Variants in GRID1 observed in about 807,000 individuals in gnomAD.
GRID1 encodes glutamate ionotropic receptor delta type subunit 1.
In GRID1, 28 loss-of-function variants were observed where a neutral mutation model predicts 98.0. The ratio of observed to expected loss-of-function variants is 0.29; its 90% CI spans 0.21 to 0.39. The LOEUF (loss-of-function observed/expected upper bound fraction) is 0.39, where lower values mean the gene tolerates loss of function less well. Ranked by LOEUF, GRID1 falls within the 10% of genes least tolerant of loss-of-function variation. The probability of loss-of-function intolerance (pLI) is 1.00; values close to 1 mark genes in which losing one functional copy is unlikely to be tolerated. For missense variants in GRID1, 1,111 were observed against 1,340.5 expected, an observed-to-expected ratio of 0.83 and a Z score of 2.67; for synonymous variants, 553 against 538.5, an observed-to-expected ratio of 1.03 and a Z score of -0.37.
chr10:86,012,476 A>G (rs990891100), intron 4 of GRID1, among the ~76,000 whole-genome samples: 1 of 152,212 alleles, frequency 6.6e-6, no homozygotes, highest in Non-Finnish European at 1.5e-5. Context: ...TTTACAAGGC[A>G]GGAAGACCTC....
chr10:85,643,503 GC>G (rs1431115562), intron 13 of GRID1, among the ~76,000 whole-genome samples: 2 of 152,166 alleles, frequency 1.3e-5, no homozygotes, highest in Non-Finnish European at 2.9e-5. Context: ...GAGCAGAGGG[GC>G]CGCTCCATAG....
chr10:85,852,171 C>T (rs1843064785), intron 8 of GRID1, among the ~76,000 whole-genome samples: 1 of 152,198 alleles, frequency 6.6e-6, no homozygotes, highest in African/African-American at 2.4e-5. Flanking sequence ...AGCTGCTAGG[C>T]AGACAGATAA....
intron 4 of GRID1, among the ~76,000 whole-genome samples, chr10:86,015,065 C>T (rs1255146232): frequency 6.6e-6 from 1 of 152,202 alleles, no homozygotes; most frequent in Admixed American, 6.5e-5. Flanking sequence ...CAACATGTTA[C>T]AGCTCCTTTT....
chr10:85,711,497 A>T (rs144984242), intron 12 of GRID1, among the ~76,000 whole-genome samples: 5 of 152,070 alleles, frequency 3.3e-5, no homozygotes, highest in African/African-American at 1.2e-4. Context: ...TAGTTCTTTC[A>T]TAGGTACAGA....
At chr10:86,041,083 C>T (rs12253319) in intron 4 of GRID1, among the ~76,000 whole-genome samples, 11,600 of 152,246 alleles carry the variant, frequency 0.076, 510 homozygotes, top group East Asian at 0.15. Context: ...CTCACACTTG[C>T]TTACATGTGT....
At chr10:86,027,604 AG>A (rs1331709976) in intron 4 of GRID1, among the ~76,000 whole-genome samples, 4 of 152,156 alleles carry the variant, frequency 2.6e-5, no homozygotes, top group African/African-American at 4.8e-5. Flanking sequence ...CCAGTTTTTC[AG>A]GTGTTATATT....
intron 2 of GRID1, among the ~76,000 whole-genome samples, chr10:86,306,122 C>G (rs1158993931): frequency 2.0e-5 from 3 of 152,202 alleles, no homozygotes; most frequent in Non-Finnish European, 4.4e-5. Flanking sequence ...CTTCAGGGAT[C>G]GTTCCATCAA....
chr10:86,269,246 G>A (rs1388354122), intron 2 of GRID1, among the ~76,000 whole-genome samples: 1 of 152,168 alleles, frequency 6.6e-6, no homozygotes, highest in Non-Finnish European at 1.5e-5. Flanking sequence ...GCTCCAAGAT[G>A]CCTGGAGGGG....
At chr10:86,125,241 TCTC>T (rs1443765195) in intron 4 of GRID1, among the ~76,000 whole-genome samples, 1 of 152,190 alleles carries the variant, frequency 6.6e-6, no homozygotes, top group Non-Finnish European at 1.5e-5. Flanking sequence ...GGAAGCTACT[TCTC>T]ATGCTAACGG....
chr10:85,890,725 T>C (rs773182111), intron 5 of GRID1, among the ~76,000 whole-genome samples: 3 of 149,714 alleles, frequency 2.0e-5, no homozygotes, highest in Non-Finnish European at 4.4e-5. Context: ...TAAGTACTCA[T>C]GAAGGAAGAA....
In GRID1 at chr10:86,029,779, A is replaced by G. The variant is rs185774345; in HGVS notation, c.726+109040T>C. ...CTGGATCAATATGCTAGTTCTGGGC[A>G]ATTAACCTGCAAATTCTGCCAGGTA... On this transcript the variant is annotated intron_variant, in intron 4 of 15. Coordinates refer to ENST00000327946, the MANE Select transcript of GRID1 (RefSeq NM_017551.3). 2.1e-3 allele frequency among the ~76,000 whole-genome samples: 317 copies of G among 152,276 alleles called. 1 individual carries two copies. Among genetic ancestry groups the G allele is most frequent in the African/African-American group, 7.1e-3 (296 of 41,536 alleles).
intron 4 of GRID1, among the ~76,000 whole-genome samples, chr10:85,920,721 C>A (rs183161367): frequency 6.6e-6 from 1 of 152,136 alleles, no homozygotes; most frequent in South Asian, 2.1e-4. Flanking sequence ...AGTGATGACC[C>A]GGTCAGACAA....
intron 2 of GRID1, among the ~76,000 whole-genome samples, chr10:86,265,466 G>T (rs1442467284): frequency 3.3e-5 from 5 of 152,230 alleles, no homozygotes; most frequent in African/African-American, 1.2e-4. Flanking sequence ...ACTGAGGCTT[G>T]CCCACAGGCA....
intron 8 of GRID1, among the ~76,000 whole-genome samples, chr10:85,790,133 T>C (rs1846707536): frequency 1.3e-5 from 2 of 152,174 alleles, no homozygotes; most frequent in Admixed American, 6.5e-5. Context: ...ACCTCTCCTA[T>C]CACAGCGCTC....
At chr10:85,945,976 G>T (rs1842049134) in intron 4 of GRID1, among the ~76,000 whole-genome samples, 3 of 152,198 alleles carry the variant, frequency 2.0e-5, no homozygotes, top group Admixed American at 1.3e-4. Flanking sequence ...CTTATGAATT[G>T]TTAAAACATT....
At chr10:85,822,209 C>T (rs1330928780) in intron 8 of GRID1, among the ~76,000 whole-genome samples, 6 of 152,056 alleles carry the variant, frequency 3.9e-5, no homozygotes, top group Non-Finnish European at 7.4e-5. Context: ...AACTAAAGAG[C>T]TTCTGCACAG....
At position 85,648,899 on chromosome 10, in the gene GRID1, T is replaced by C. The variant is rs530010645; in HGVS notation, c.1998-1502A>G. 9.9e-4 allele frequency among the ~76,000 whole-genome samples: 151 copies of C among 152,342 alleles called. 1 individual carries two copies. The highest frequency in any genetic ancestry group is 1.8e-3 in the Non-Finnish European group (124 of 68,032). Reference sequence around the variant, plus strand: ...CCAGAGCAGAGACAAGCAAGGGCTCTGGAGTCCAATTGCCTACCTTGCCTG... The same window carrying C: ...CCAGAGCAGAGACAAGCAAGGGCTCCGGAGTCCAATTGCCTACCTTGCCTG... On this transcript the variant is annotated intron_variant, in intron 12 of 15. Coordinates refer to ENST00000327946, the MANE Select transcript of GRID1 (RefSeq NM_017551.3).
intron 4 of GRID1, among the ~76,000 whole-genome samples, chr10:85,928,231 G>A (rs909167280): frequency 2.6e-5 from 4 of 152,192 alleles, no homozygotes; most frequent in South Asian, 2.1e-4. Flanking sequence ...AGAAAGAGGC[G>A]GAGGATCGTT....
At chr10:85,967,859 T>C (rs765672873) in intron 4 of GRID1, among the ~76,000 whole-genome samples, 1 of 152,194 alleles carries the variant, frequency 6.6e-6, no homozygotes, top group South Asian at 2.1e-4. Flanking sequence ...GGTAGTAAGA[T>C]GACATGTTCA....
Sources: gnomAD v4.1 joint callset for allele counts (sites outside exome capture counted in the v4.1 genomes callset) on GRCh38, gnomAD v4.1.1 for gene constraint, MANE v1.5 for transcripts, NCBI Gene and HGNC (gene_info 2026-07-23, HGNC 2026-07-21) for gene names.